Variants in ZNF440 observed in about 807,000 individuals in gnomAD.
ZNF440 encodes the protein zinc finger protein 440.
In ZNF440, 47 loss-of-function variants were observed where a neutral mutation model predicts 49.7. The ratio of observed to expected loss-of-function variants is 0.95; its 90% CI spans 0.75 to 1.21. The LOEUF (loss-of-function observed/expected upper bound fraction) is 1.21, where lower values mean the gene tolerates loss of function less well. ZNF440 is among the 50% of genes most tolerant of loss of function. The probability of loss-of-function intolerance (pLI) is 0.00; values close to 1 mark genes in which losing one functional copy is unlikely to be tolerated. For synonymous variants in ZNF440, 255 were observed against 237.7 expected, an observed-to-expected ratio of 1.07 and a Z score of -0.67; for missense variants, 703 against 715.0, an observed-to-expected ratio of 0.98 and a Z score of 0.19.
At position 11,831,506 on chromosome 19, in the gene ZNF440, G is replaced by T; in HGVS notation, c.330G>T (p.Val110=). The T allele has an allele frequency of 6.2e-7, 1 of 1,614,024 alleles. No individual in the cohort carries two copies. The highest frequency in any genetic ancestry group is 8.5e-7 in the Non-Finnish European group (1 of 1,179,926). The change falls in exon 4 of 4, where the codon GTG becomes GTT. Residue 110 remains valine, a synonymous_variant. Coordinates refer to ENST00000304060, the MANE Select transcript of ZNF440 (RefSeq NM_152357.3). ...AAGTAAAATCATGTGAAAGCTTTGT[G>T]TGTGGAGAAGTTGGCCTAGGTAACT... ...SPEVKSCESF[V]CGEVGLGNSS...
intron 1 of ZNF440, among the ~76,000 whole-genome samples, chr19:11,814,966 G>A (rs1975713798): frequency 6.6e-6 from 1 of 151,966 alleles, no homozygotes; most frequent in Admixed American, 6.6e-5. Flanking sequence ...TAACTCGATA[G>A]GCTAAGGTTT....
At chr19:11,819,846 A>G (rs1374497708) in intron 1 of ZNF440, among the ~76,000 whole-genome samples, 2 of 152,212 alleles carry the variant, frequency 1.3e-5, no homozygotes, top group African/African-American at 2.4e-5. Context: ...ATTTGATTTT[A>G]GTGTCCTTAG....
rs139686414 is a variant in ZNF440, at chr19:11,820,497, C to A, written c.3+6047C>A. 5.2e-3 allele frequency among the ~76,000 whole-genome samples: 797 copies of A among 152,164 alleles called. 10 individuals carry two copies. Among genetic ancestry groups the A allele is most frequent in the Non-Finnish European group, 4.5e-3 (308 of 67,994 alleles). Reference sequence around the variant, plus strand: ...CCTCCCAAAGTGCTGGGATTACAGGCGTAATCCGGCCACTGTGCCCGGCCC... The same window carrying A: ...CCTCCCAAAGTGCTGGGATTACAGGAGTAATCCGGCCACTGTGCCCGGCCC... On this transcript the variant is annotated intron_variant, in intron 1 of 3. Coordinates refer to ENST00000304060, the MANE Select transcript of ZNF440 (RefSeq NM_152357.3).
intron 1 of ZNF440, 81 bp from the exon 2 acceptor site, chr19:11,830,202 G>A: frequency 1.3e-6 from 2 of 1,586,340 alleles, no homozygotes. Context: ...ACGGCATCCT[G>A]AGAACTTCTT....
chr19:11,832,093 A>T lies in ZNF440; in HGVS notation c.917A>T (p.His306Leu), dbSNP rs775709427. ...TATGTTCGTATACATGAAAGGACCC[A>T]CTCTAGGAAAAATCTCTATGAATGT... is the stretch of plus-strand genomic sequence containing the variant. ...PRYVRIHERT[H>L]SRKNLYECKQ... Residue 306 changes from histidine to leucine, a missense_variant, in exon 4 of 4, where the codon CAC becomes CTC. Physicochemically the swap from His to Leu is moderately conservative, Grantham distance 99 (BLOSUM62 -3). Transcript: ENST00000304060. 6.2e-7 allele frequency: 1 copy of T among 1,613,994 alleles called. No individual in the cohort carries two copies. Among genetic ancestry groups the T allele is most frequent in the African/African-American group, 1.3e-5 (1 of 74,914 alleles).
chr19:11,822,845 T>TAAAAAAAAAA (rs547706900), intron 1 of ZNF440, among the ~76,000 whole-genome samples: 18 of 117,536 alleles, frequency 1.5e-4, no homozygotes, highest in African/African-American at 4.0e-4. Context: ...GAAACTCCGT[T>TAAAAAAAAAA]AAAAAAAAAA....
At position 11,833,824 on chromosome 19, in the gene ZNF440, A is replaced by G. The variant is rs1975984900; in HGVS notation, c.*860A>G. The G allele has an allele frequency of 1.3e-6, 1 of 748,118 alleles. No homozygotes were observed. Among genetic ancestry groups the G allele is most frequent in the Non-Finnish European group, 2.0e-6 (1 of 502,078 alleles). 46.3% of individuals were successfully genotyped at this position (748,118 alleles called of 1,614,324 possible). On this transcript the variant is annotated 3_prime_UTR_variant, in exon 4 of 4. Coordinates refer to ENST00000304060, the MANE Select transcript of ZNF440 (RefSeq NM_152357.3). ...AGGACTCACACTGGAGAAAAACCCT[A>G]TGAATGTAAGCAGTATGGGAAAGCG... is the stretch of plus-strand genomic sequence containing the variant.
Position 11,832,252 on chromosome 19 carries a change from A to C in ZNF440, c.1076A>C (p.Glu359Ala). 5 of 1,614,104 alleles carry C rather than the reference A, an allele frequency of 3.1e-6. No individual in the cohort carries two copies. Among genetic ancestry groups the C allele is most frequent in the Non-Finnish European group, 4.2e-6 (5 of 1,180,006 alleles). ...FCSVNSFQRH[E>A]KIHSGEKPYK... is the part of the protein sequence containing the mutation. The stretch of plus-strand genomic sequence containing the variant: ...TCTGTGAATTCATTTCAAAGACATG[A>C]AAAAATTCACAGTGGAGAGAAACCC... Residue 359 changes from glutamate to alanine, a missense_variant, in exon 4 of 4, where the codon GAA (glutamate) becomes GCA (alanine). Coordinates refer to ENST00000304060, the MANE Select transcript of ZNF440 (RefSeq NM_152357.3).
In ZNF440 at chr19:11,814,372, T is replaced by A; in HGVS notation, c.-76T>A. 6.7e-7 allele frequency: 1 copy of A among 1,493,576 alleles called. No homozygotes were observed. The allele number at this position is 1,493,576 out of a possible 1,614,324, so 92.5% of individuals were successfully genotyped here. On this transcript the variant is annotated 5_prime_UTR_variant, in exon 1 of 4. Transcript: ENST00000304060. ...GTGCCTCCACCAGAGCTTCTGTCGC[T>A]CTGTAACCTGCACTGTGACCTACAC...
rs74180041 is a variant in ZNF440 at position 11,825,817 on chromosome 19, CT to C, written c.4-4451del. Among the ~76,000 whole-genome samples, 691 of 131,408 alleles carry C rather than the reference CT, an allele frequency of 5.3e-3. 5 individuals carry two copies. The highest frequency in any genetic ancestry group is 0.016 in the African/African-American group (563 of 34,324). 86.2% of individuals were successfully genotyped at this position (131,408 alleles called of 152,430 possible). A position where few individuals can be genotyped will look rare whatever the true frequency, so the allele number is the denominator to read the frequency against. ...TTTTTTTTTTCTTTTCTTTTCTTTTCTTTTTTTTTTTTTTTGAGACAGAGTT... is the reference window on the plus strand; with the variant it reads ...TTTTTTTTTTCTTTTCTTTTCTTTTCTTTTTTTTTTTTTTGAGACAGAGTT... On this transcript the variant is annotated intron_variant, in intron 1 of 3. Coordinates refer to ENST00000304060, the MANE Select transcript of ZNF440 (RefSeq NM_152357.3).
chr19:11,823,443 T>A (rs1283340190), intron 1 of ZNF440, among the ~76,000 whole-genome samples: 2 of 152,160 alleles, frequency 1.3e-5, no homozygotes, highest in Non-Finnish European at 1.5e-5. Flanking sequence ...TTTCCTTAAT[T>A]TTAGTGAAAA....
At chr19:11,823,151 T>C (rs1359578134) in intron 1 of ZNF440, among the ~76,000 whole-genome samples, 4 of 152,188 alleles carry the variant, frequency 2.6e-5, no homozygotes, top group Admixed American at 1.3e-4. Flanking sequence ...GGTCATCTTC[T>C]TGTGTTTCTT....
At chr19:11,819,972 G>A (rs146962803) in intron 1 of ZNF440, among the ~76,000 whole-genome samples, 1 of 152,100 alleles carries the variant, frequency 6.6e-6, no homozygotes, top group South Asian at 2.1e-4. Context: ...GGGATGCAGG[G>A]CCTCAAATCC....
chr19:11,833,306 A>G lies in ZNF440; in HGVS notation c.*342A>G, dbSNP rs527833553. On this transcript the variant is annotated 3_prime_UTR_variant, in exon 4 of 4. Transcript: ENST00000304060. ...TTTGCAAATACATGAAAGGATGCAC[A>G]GAGGAGAGAAGCTCTGTGAATGTAA... is the stretch of plus-strand genomic sequence containing the variant. 7 of 549,010 alleles carry G rather than the reference A, an allele frequency of 1.3e-5. No homozygotes were observed. The highest frequency in any genetic ancestry group is 1.9e-5 in the African/African-American group (1 of 51,590). 34.0% of individuals were successfully genotyped at this position (549,010 alleles called of 1,614,324 possible). A position where few individuals can be genotyped will look rare whatever the true frequency, so the allele number is the denominator to read the frequency against.
chr19:11,819,088 GC>G (rs1401676176), intron 1 of ZNF440, among the ~76,000 whole-genome samples: 10 of 152,150 alleles, frequency 6.6e-5, no homozygotes, highest in African/African-American at 1.9e-4. Context: ...CAGGTGGATG[GC>G]TTGATCTCAG....
intron 2 of ZNF440, 31 bp from the exon 3 acceptor site, chr19:11,830,586 C>A (rs1406922176): frequency 1.2e-6 from 2 of 1,612,046 alleles, no homozygotes; most frequent in Non-Finnish European, 1.7e-6. Context: ...TATACTGCCT[C>A]AGGACTATTT....
rs1975975188 is a variant in ZNF440 at position 11,833,155 on chromosome 19, T to A, written c.*191T>A. 2 of 1,339,388 alleles carry A rather than the reference T, an allele frequency of 1.5e-6. No homozygotes were observed. Among genetic ancestry groups the A allele is most frequent in the Admixed American group, 2.0e-5 (1 of 50,860 alleles). The allele number at this position is 1,339,388 out of a possible 1,614,324, so 83.0% of individuals were successfully genotyped here. A position where few individuals can be genotyped will look rare whatever the true frequency, so the allele number is the denominator to read the frequency against. On this transcript the variant is annotated 3_prime_UTR_variant, in exon 4 of 4. Transcript: ENST00000304060. ...GGACTCACACTGGAGAGAACCCCTA[T>A]GAGTGTAAGCAATTTGGGAAAGCCT...
chr19:11,818,848 A>G (rs1325565520), intron 1 of ZNF440, among the ~76,000 whole-genome samples: 2 of 152,162 alleles, frequency 1.3e-5, no homozygotes, highest in African/African-American at 4.8e-5. Context: ...CTAACAACCT[A>G]ATTCATTATG....
At chr19:11,820,376 C>G (rs1434353447) in intron 1 of ZNF440, among the ~76,000 whole-genome samples, 1 of 152,116 alleles carries the variant, frequency 6.6e-6, no homozygotes, top group Non-Finnish European at 1.5e-5. Flanking sequence ...GCCACCACGC[C>G]CGGCTAATTT....
Sources: gnomAD v4.1 joint callset for allele counts (sites outside exome capture counted in the v4.1 genomes callset) on GRCh38, gnomAD v4.1.1 for gene constraint, MANE v1.5 for transcripts, NCBI Gene and HGNC (gene_info 2026-07-23, HGNC 2026-07-21) for gene names.